Variants in ZRANB3 observed in about 807,000 individuals in gnomAD.
ZRANB3 encodes the protein zinc finger RANBP2-type containing 3.
A neutral mutation model predicts 133.8 loss-of-function variants in ZRANB3; 125 were observed. The observed-to-expected ratio is 0.93, with a 90% CI of 0.81 to 1.08. The LOEUF is 1.08. Ranked by LOEUF, ZRANB3 falls within the 50% of genes least tolerant of loss-of-function variation. The pLI is 0.00. For synonymous variants in ZRANB3, 387 were observed against 432.7 expected (o/e 0.89, Z 1.31); for missense variants, 1,229 against 1,275.5 (o/e 0.96, Z 0.56).
chr2:135,522,638 A>C (rs1020743657), intron 1 of ZRANB3, among the ~76,000 whole-genome samples: 1 of 151,772 alleles, frequency 6.6e-6, no homozygotes, highest in Non-Finnish European at 1.5e-5. Context: ...TGTCTCTACT[A>C]AAAATACAAA....
intron 2 of ZRANB3, among the ~76,000 whole-genome samples, chr2:135,446,283 A>C (rs985703976): frequency 6.6e-6 from 1 of 152,166 alleles, no homozygotes; most frequent in Admixed American, 6.6e-5. Flanking sequence ...AGGGGAGACG[A>C]TAAAATACAG....
At chr2:135,328,708 G>A (rs182340333) in intron 6 of ZRANB3, among the ~76,000 whole-genome samples, 177 of 152,098 alleles carry the variant, frequency 1.2e-3, no homozygotes, top group Admixed American at 2.5e-3. Context: ...ATTTCTCCAC[G>A]TCTTCTCCAG....
chr2:135,353,297 T>C, intron 4 of ZRANB3, 153 bp downstream of exon 4: 1 of 462,298 alleles, frequency 2.2e-6, no homozygotes, highest in South Asian at 6.6e-5. Flanking sequence ...AGATAAATAA[T>C]TCATATTTTA....
At chr2:135,352,310 C>T (rs888467405) in intron 4 of ZRANB3, among the ~76,000 whole-genome samples, 5 of 148,306 alleles carry the variant, frequency 3.4e-5, no homozygotes, top group African/African-American at 5.0e-5. Context: ...CCAGCCTGGG[C>T]GATAGAGTGA....
chr2:135,387,534 T>C (rs1241971817), intron 3 of ZRANB3, among the ~76,000 whole-genome samples: 1 of 152,236 alleles, frequency 6.6e-6, no homozygotes, highest in East Asian at 1.9e-4. Context: ...ATCTTACGTC[T>C]TGTATGTCAT....
chr2:135,506,263 G>A (rs1693183766), intron 1 of ZRANB3, among the ~76,000 whole-genome samples: 1 of 152,180 alleles, frequency 6.6e-6, no homozygotes, highest in Non-Finnish European at 1.5e-5. Context: ...GGTGGCACAG[G>A]CCTGTAATCC....
At chr2:135,378,016 C>G (rs1686504361) in intron 3 of ZRANB3, among the ~76,000 whole-genome samples, 1 of 152,220 alleles carries the variant, frequency 6.6e-6, no homozygotes, top group African/African-American at 2.4e-5. Flanking sequence ...TGCCCTGGAA[C>G]ATTGGACTCC....
At chr2:135,394,904 C>T (rs192698168) in intron 2 of ZRANB3, among the ~76,000 whole-genome samples, 115 of 141,166 alleles carry the variant, frequency 8.1e-4, no homozygotes, top group Non-Finnish European at 2.5e-4. Context: ...ATTGCTTGAA[C>T]GCAGGACTTT....
chr2:135,236,955 T>A (rs1000693989), intron 12 of ZRANB3, among the ~76,000 whole-genome samples: 1 of 151,990 alleles, frequency 6.6e-6, no homozygotes, highest in African/African-American at 2.4e-5. Context: ...CTAATTAAAC[T>A]AAAGAGCTTC....
At chr2:135,356,187 G>C (rs1160301648) in intron 3 of ZRANB3, among the ~76,000 whole-genome samples, 1 of 151,990 alleles carries the variant, frequency 6.6e-6, no homozygotes, top group East Asian at 1.9e-4. Context: ...ATTTCAGTTA[G>C]ATAGAAGGAA....
intron 8 of ZRANB3, 85 bp from the exon 9 acceptor site, chr2:135,275,840 G>C: frequency 1.8e-6 from 2 of 1,140,514 alleles, no homozygotes; most frequent in Non-Finnish European, 2.3e-6. Context: ...AAGAAAAATG[G>C]CTTGAAAATC....
chr2:135,307,757 G>T (rs950022628), intron 8 of ZRANB3, among the ~76,000 whole-genome samples: 2 of 152,120 alleles, frequency 1.3e-5, no homozygotes, highest in South Asian at 4.1e-4. Context: ...TTCCTTTGAG[G>T]TGATGATAGT....
chr2:135,491,543 T>G (rs1692376134), intron 2 of ZRANB3, among the ~76,000 whole-genome samples: 1 of 151,820 alleles, frequency 6.6e-6, no homozygotes, highest in Non-Finnish European at 1.5e-5. Flanking sequence ...AGATATAGTC[T>G]CACTCTGTTG....
chr2:135,386,995 AAAAAAGGAAAAG>A (rs1443197560), intron 3 of ZRANB3, among the ~76,000 whole-genome samples: 1 of 152,096 alleles, frequency 6.6e-6, no homozygotes, highest in African/African-American at 2.4e-5. Context: ...AATTAAAAAA[AAAAAAGGAAAAG>A]AAAAAGAAAA....
At chr2:135,338,761 A>C (rs1296338879) in intron 6 of ZRANB3, among the ~76,000 whole-genome samples, 2 of 152,226 alleles carry the variant, frequency 1.3e-5, no homozygotes, top group Non-Finnish European at 1.5e-5. Context: ...TTATTTACTA[A>C]ACACGCAATT....
intron 8 of ZRANB3, among the ~76,000 whole-genome samples, chr2:135,286,526 C>A (rs1008521595): frequency 1.3e-5 from 2 of 152,164 alleles, no homozygotes; most frequent in African/African-American, 2.4e-5. Context: ...GATCTGCCTG[C>A]CTTGGCCTCC....
rs144811961 is a variant in ZRANB3 at position 135,400,751 on chromosome 2, G to A, written c.162-9931C>T. Among the ~76,000 whole-genome samples the A allele has an allele frequency of 1.1e-4, 16 of 152,258 alleles. No homozygotes were observed. In the East Asian group the frequency reaches 2.9e-3, roughly 28 times the overall value. On this transcript the variant is annotated intron_variant, in intron 2 of 20. Coordinates refer to ENST00000264159, the MANE Select transcript of ZRANB3 (RefSeq NM_032143.4). ...TACAGGTCATGCATGCCAATTGTCT[G>A]TCACAACTACTCAACTCTGTTCTAA...
At chr2:135,315,329 T>A (rs1205545969) in intron 7 of ZRANB3, 30 bp downstream of exon 7, 7 of 1,461,636 alleles carry the variant, frequency 4.8e-6, no homozygotes, top group Non-Finnish European at 6.3e-6. Context: ...TTATTTAAAG[T>A]AAGACTTTAA....
chr2:135,293,633 T>C (rs1490164634), intron 8 of ZRANB3, among the ~76,000 whole-genome samples: 1 of 151,954 alleles, frequency 6.6e-6, no homozygotes, highest in Non-Finnish European at 1.5e-5. Flanking sequence ...CAACACTATG[T>C]TGAATAGGAG....
Sources: allele counts gnomAD v4.1 joint callset (sites outside exome capture counted in the v4.1 genomes callset), GRCh38; gene constraint gnomAD v4.1.1; transcripts MANE v1.5; gene names NCBI Gene and HGNC (gene_info 2026-07-23, HGNC 2026-07-21).